The following ANAPC10 variants were observed in gnomAD, a reference collection of about 807,000 sequenced individuals.
ANAPC10 encodes the protein anaphase-promoting complex subunit 10.
ANAPC10 carries 12 observed loss-of-function variants against 22.0 expected under a neutral mutation model. That is an observed-to-expected ratio of 0.55 (90% CI 0.35 to 0.88). The LOEUF (loss-of-function observed/expected upper bound fraction) is 0.88, where lower values mean the gene tolerates loss of function less well. ANAPC10 is among the 40% of genes least tolerant of loss of function. The pLI is 0.01. For synonymous variants in ANAPC10, 65 were observed against 69.5 expected (o/e 0.94, Z 0.32); for missense variants, 188 against 220.9 (o/e 0.85, Z 0.94).
intron 4 of ANAPC10, among the ~76,000 whole-genome samples, chr4:145,029,212 T>A (rs899872746): frequency 1.3e-5 from 2 of 152,148 alleles, no homozygotes; most frequent in South Asian, 4.1e-4. Context: ...TCCCCAGTAG[T>A]GGCAACATCC....
At chr4:145,046,861 TA>T (rs1740382729) in intron 4 of ANAPC10, among the ~76,000 whole-genome samples, 1 of 152,126 alleles carries the variant, frequency 6.6e-6, no homozygotes, top group Non-Finnish European at 1.5e-5. Context: ...CCATTTTCCA[TA>T]ACTTGAGCAT....
chr4:145,064,815 A>G (rs1743434333), intron 3 of ANAPC10, 123 bp from the exon 4 acceptor site: 1 of 833,198 alleles, frequency 1.2e-6, no homozygotes, highest in Non-Finnish European at 1.8e-6. Context: ...ACATTTTCAT[A>G]TCTTTTAATT....
intron 3 of ANAPC10, among the ~76,000 whole-genome samples, chr4:145,071,527 T>C (rs1017341368): frequency 1.3e-5 from 2 of 152,158 alleles, no homozygotes; most frequent in African/African-American, 4.8e-5. Context: ...ATAAATAATA[T>C]TGAATTTTAT....
At chr4:145,006,233 T>C (rs1304057906) in intron 4 of ANAPC10, among the ~76,000 whole-genome samples, 1 of 152,154 alleles carries the variant, frequency 6.6e-6, no homozygotes, top group African/African-American at 2.4e-5. Context: ...GTGATCTTTG[T>C]TGTTTTAAAG....
At chr4:145,071,615 CA>C (rs1307441393) in intron 3 of ANAPC10, among the ~76,000 whole-genome samples, 1 of 151,882 alleles carries the variant, frequency 6.6e-6, no homozygotes, top group Non-Finnish European at 1.5e-5. Context: ...TGAGAAAATC[CA>C]AAAATGTCTC....
At chr4:145,044,661 T>C (rs1740025260) in intron 4 of ANAPC10, among the ~76,000 whole-genome samples, 2 of 152,246 alleles carry the variant, frequency 1.3e-5, no homozygotes, top group South Asian at 4.1e-4. Flanking sequence ...GAACTATTGG[T>C]CTTTCTGCCT....
intron 4 of ANAPC10, among the ~76,000 whole-genome samples, chr4:145,006,305 G>A (rs771008932): frequency 2.0e-5 from 3 of 152,026 alleles, no homozygotes; most frequent in Non-Finnish European, 4.4e-5. Flanking sequence ...CCAATCAAGT[G>A]GAAAAGATAA....
intron 4 of ANAPC10, among the ~76,000 whole-genome samples, chr4:145,031,202 A>T (rs748115885): frequency 2.6e-5 from 4 of 152,198 alleles, no homozygotes; most frequent in Non-Finnish European, 5.9e-5. Flanking sequence ...AGAGACCTTG[A>T]TCACTTTTCC....
chr4:145,017,684 A>T (rs567887567), intron 4 of ANAPC10, among the ~76,000 whole-genome samples: 1 of 152,140 alleles, frequency 6.6e-6, no homozygotes. Flanking sequence ...TGTTTATTGC[A>T]GCACTACTCA....
intron 2 of ANAPC10, among the ~76,000 whole-genome samples, chr4:145,083,306 T>C (rs892299004): frequency 2.0e-5 from 3 of 152,166 alleles, no homozygotes; most frequent in Non-Finnish European, 4.4e-5. Flanking sequence ...TCTACCACTG[T>C]CTGGAAATAT....
chr4:145,081,227 A>T (rs1335717660), intron 3 of ANAPC10, among the ~76,000 whole-genome samples: 3 of 139,858 alleles, frequency 2.1e-5, no homozygotes, highest in Non-Finnish European at 4.7e-5. Flanking sequence ...GGTTCTAAGT[A>T]AAAAAAAAAA....
At chr4:145,092,225 C>A (rs1384905940) in intron 2 of ANAPC10, among the ~76,000 whole-genome samples, 1 of 152,106 alleles carries the variant, frequency 6.6e-6, no homozygotes, top group Non-Finnish European at 1.5e-5. Context: ...GGGCTTAATA[C>A]TTATGTGATA....
At chr4:145,079,950 CTAAAAA>C (rs961827263) in intron 3 of ANAPC10, among the ~76,000 whole-genome samples, 1 of 151,724 alleles carries the variant, frequency 6.6e-6, no homozygotes, top group Non-Finnish European at 1.5e-5. Context: ...CTTGTCTCTA[CTAAAAA>C]TATAAAAATT....
At chr4:145,096,204 T>C (rs1748489663) in intron 1 of ANAPC10, 93 bp from the exon 2 acceptor site, 3 of 1,214,664 alleles carry the variant, frequency 2.5e-6, no homozygotes, top group South Asian at 1.4e-5. Flanking sequence ...GGAACTCATA[T>C]ACCCTGACAT....
chr4:145,001,081 G>T (rs922232678), intron 4 of ANAPC10, among the ~76,000 whole-genome samples: 1 of 151,942 alleles, frequency 6.6e-6, no homozygotes, highest in African/African-American at 2.4e-5. Context: ...AATACCTAAT[G>T]TAAATGACGA....
chr4:145,007,689 GA>G (rs1250396833), intron 4 of ANAPC10, among the ~76,000 whole-genome samples: 1 of 152,066 alleles, frequency 6.6e-6, no homozygotes, highest in Non-Finnish European at 1.5e-5. Context: ...TGTGTAGAGG[GA>G]AATTTATAGC....
chr4:145,006,649 C>G (rs997060077), intron 4 of ANAPC10, among the ~76,000 whole-genome samples: 3 of 152,128 alleles, frequency 2.0e-5, no homozygotes, highest in African/African-American at 7.2e-5. Flanking sequence ...AATTTTATTT[C>G]TGTATAATTG....
At chr4:145,097,915 G>A (rs1560950576) in intron 1 of ANAPC10, 2 of 223,434 alleles carry the variant, frequency 9.0e-6, no homozygotes, top group Non-Finnish European at 9.1e-6. Flanking sequence ...TTGAGGCCTA[G>A]AAGAGCGCGC....
chr4:144,998,104 A>C (rs1731905372), intron 4 of ANAPC10, among the ~76,000 whole-genome samples: 2 of 152,178 alleles, frequency 1.3e-5, no homozygotes. Flanking sequence ...ATCTATAAAG[A>C]GACTTAGACT....
Sources: allele counts gnomAD v4.1 joint callset (sites outside exome capture counted in the v4.1 genomes callset), GRCh38; gene constraint gnomAD v4.1.1; transcripts MANE v1.5; gene names NCBI Gene and HGNC (gene_info 2026-07-23, HGNC 2026-07-21).